The following MAD1L1 variants were observed in gnomAD, a reference collection of about 807,000 sequenced individuals.
MAD1L1 encodes the protein mitotic arrest deficient 1 like 1, also known as mitotic spindle assembly checkpoint protein MAD1.
Under a neutral mutation model 96.9 loss-of-function variants are expected in MAD1L1, and 95 were observed. That is an observed-to-expected ratio of 0.98 (90% CI 0.83 to 1.16). The LOEUF (loss-of-function observed/expected upper bound fraction) is 1.16, where lower values mean the gene tolerates loss of function less well. Ranked by LOEUF, MAD1L1 falls within the 50% of genes most tolerant of loss-of-function variation. The pLI, the probability that MAD1L1 is intolerant of heterozygous loss-of-function variation, is 0.00. For missense variants in MAD1L1, 1,007 were observed against 954.4 expected, an observed-to-expected ratio of 1.06 and a Z score of -0.73; for synonymous variants, 473 against 396.6, an observed-to-expected ratio of 1.19 and a Z score of -2.29.
At chr7:2,084,128 C>T (rs893421076) in intron 11 of MAD1L1, among the ~76,000 whole-genome samples, 1 of 152,374 alleles carries the variant, frequency 6.6e-6, no homozygotes, top group African/African-American at 2.4e-5. Flanking sequence ...GCACTGCTGG[C>T]AGGGTGTGCG....
intron 14 of MAD1L1, among the ~76,000 whole-genome samples, chr7:1,989,754 C>T (rs958016149): frequency 1.3e-5 from 2 of 152,218 alleles, no homozygotes; most frequent in African/African-American, 4.8e-5. Context: ...TCAGCCCCAG[C>T]GTGGCCCGGC....
intron 12 of MAD1L1, among the ~76,000 whole-genome samples, chr7:2,015,974 G>A (rs1782522982): frequency 6.6e-6 from 1 of 152,206 alleles, no homozygotes; most frequent in African/African-American, 2.4e-5. Flanking sequence ...CCAGGAAGAA[G>A]CGGATGGGTA....
intron 11 of MAD1L1, among the ~76,000 whole-genome samples, chr7:2,143,968 A>C (rs890269240): frequency 2.6e-5 from 4 of 152,220 alleles, no homozygotes; most frequent in Non-Finnish European, 5.9e-5. Context: ...TGGGGCTTCA[A>C]ACAGGCAAAA....
At position 1,954,735 on chromosome 7, in the gene MAD1L1, C is replaced by G. The variant is rs548825597; in HGVS notation, c.1596+2894G>C. ...AGTCTGAGCTCCTTCCTCCTTCACA[C>G]GCAGGCTCCCTGTGGGCCTCACTTT... On this transcript the variant is annotated intron_variant, in intron 16 of 18. Transcript: ENST00000265854. Among the ~76,000 whole-genome samples, 23 of 152,328 alleles carry G rather than the reference C, an allele frequency of 1.5e-4. No individual in the cohort carries two copies. The South Asian group carries it at 4.8e-3, about 32-fold the overall frequency.
intron 12 of MAD1L1, among the ~76,000 whole-genome samples, chr7:2,036,530 C>A (rs1783444747): frequency 6.6e-6 from 1 of 152,180 alleles, no homozygotes; most frequent in African/African-American, 2.4e-5. Flanking sequence ...TCTTCCTACA[C>A]ACAAAGGCCA....
chr7:2,203,386 C>A (rs1326680729), intron 10 of MAD1L1, among the ~76,000 whole-genome samples: 1 of 152,246 alleles, frequency 6.6e-6, no homozygotes, highest in Non-Finnish European at 1.5e-5. Context: ...GCACACCACC[C>A]CCATTAGGTG....
intron 14 of MAD1L1, among the ~76,000 whole-genome samples, chr7:1,992,383 G>A (rs2128489172): frequency 6.6e-6 from 1 of 152,376 alleles, no homozygotes; most frequent in East Asian, 1.9e-4. Flanking sequence ...TAACGCTGGG[G>A]AAGGGGAACA....
At chr7:2,002,943 C>T (rs1462268198) in intron 13 of MAD1L1, among the ~76,000 whole-genome samples, 1 of 8,156 alleles carries the variant, frequency 1.2e-4, no homozygotes, top group Non-Finnish European at 2.4e-4. Context: ...CTTCCCACGA[C>T]CCCGCTTGGC....
chr7:2,203,868 G>A (rs147524680), intron 10 of MAD1L1, among the ~76,000 whole-genome samples: 6 of 152,266 alleles, frequency 3.9e-5, no homozygotes, highest in East Asian at 1.9e-4. Flanking sequence ...GCCCACCTCC[G>A]GGGCAATCAG....
At chr7:2,047,996 C>T (rs535039012) in intron 12 of MAD1L1, among the ~76,000 whole-genome samples, 2 of 152,360 alleles carry the variant, frequency 1.3e-5, no homozygotes, top group Admixed American at 1.3e-4. Context: ...AGAACTCACA[C>T]AGCACAACAT....
chr7:2,155,021 G>T (rs888880667), intron 10 of MAD1L1, among the ~76,000 whole-genome samples: 2 of 152,184 alleles, frequency 1.3e-5, no homozygotes, highest in African/African-American at 4.8e-5. Context: ...AGTCCACAGG[G>T]GTGGACTGTG....
At chr7:2,027,296 C>T (rs181888057) in intron 12 of MAD1L1, among the ~76,000 whole-genome samples, 1 of 152,312 alleles carries the variant, frequency 6.6e-6, no homozygotes, top group African/African-American at 2.4e-5. Context: ...GAAGAAATAT[C>T]ACCAACCTTA....
At chr7:2,094,865 G>A (rs902071281) in intron 11 of MAD1L1, among the ~76,000 whole-genome samples, 1 of 152,154 alleles carries the variant, frequency 6.6e-6, no homozygotes, top group South Asian at 2.1e-4. Context: ...CAGGAAGTGG[G>A]GGGGCAGGAG....
At chr7:2,048,627 T>C (rs1784037589) in intron 12 of MAD1L1, among the ~76,000 whole-genome samples, 1 of 152,314 alleles carries the variant, frequency 6.6e-6, no homozygotes, top group East Asian at 1.9e-4. Context: ...GAAGGGGCTG[T>C]CCCATAGGAT....
At chr7:2,007,395 G>A (rs1483238906) in intron 13 of MAD1L1, among the ~76,000 whole-genome samples, 1 of 152,248 alleles carries the variant, frequency 6.6e-6, no homozygotes, top group Non-Finnish European at 1.5e-5. Flanking sequence ...GTCTTAAGAA[G>A]TTAGGGCCCG....
At chr7:1,905,728 C>A (rs1427123701) in intron 17 of MAD1L1, among the ~76,000 whole-genome samples, 11 of 152,168 alleles carry the variant, frequency 7.2e-5, no homozygotes, top group Admixed American at 2.0e-4. Flanking sequence ...GCCGGCCTGA[C>A]CCCCATCTGT....
At chr7:1,933,518 A>G (rs1789602077) in intron 17 of MAD1L1, among the ~76,000 whole-genome samples, 1 of 152,170 alleles carries the variant, frequency 6.6e-6, no homozygotes, top group Non-Finnish European at 1.5e-5. Context: ...AGCCCTCTCC[A>G]GAGCAGCGGT....
chr7:1,837,029 C>T (rs1454284653), intron 18 of MAD1L1, among the ~76,000 whole-genome samples: 1 of 152,130 alleles, frequency 6.6e-6, no homozygotes, highest in East Asian at 1.9e-4. Flanking sequence ...AATGAAAAGA[C>T]ATGTCATATA....
chr7:1,901,246 A>G (rs749506202), intron 17 of MAD1L1, among the ~76,000 whole-genome samples: 5 of 152,232 alleles, frequency 3.3e-5, no homozygotes, highest in Non-Finnish European at 5.9e-5. Context: ...TGAATAATTC[A>G]CACGATGGTT....
Sources: gnomAD v4.1 joint callset for allele counts (sites outside exome capture counted in the v4.1 genomes callset) on GRCh38, gnomAD v4.1.1 for gene constraint, MANE v1.5 for transcripts, NCBI Gene and HGNC (gene_info 2026-07-23, HGNC 2026-07-21) for gene names.